UGT1A5: variants seen among roughly 807,000 people sequenced by gnomAD.
UGT1A5 encodes the protein UDP glucuronosyltransferase family 1 member A5, also known as UDP-glucuronosyltransferase 1A5.
UGT1A5 carries 29 observed loss-of-function variants against 40.3 expected under a neutral mutation model. That is an observed-to-expected ratio of 0.72 (90% CI 0.54 to 0.98). The LOEUF (loss-of-function observed/expected upper bound fraction) is 0.98, where lower values mean the gene tolerates loss of function less well. UGT1A5 is among the 50% of genes least tolerant of loss of function. UGT1A5 has a pLI of 0.00. For missense variants in UGT1A5, 678 were observed against 677.9 expected (o/e 1.00, Z 0.00); for synonymous variants, 257 against 262.5 (o/e 0.98, Z 0.20).
At chr2:233,750,620 T>A (rs1476116797) in intron 1 of UGT1A5, 1 of 151,688 alleles carries the variant, frequency 6.6e-6, no homozygotes, top group Non-Finnish European at 1.5e-5. Flanking sequence ...GTGGGCTGGG[T>A]CCATGCTCCC....
At chr2:233,758,861 A>G (rs911579331) in intron 1 of UGT1A5, among the ~76,000 whole-genome samples, 2 of 152,228 alleles carry the variant, frequency 1.3e-5, no homozygotes, top group African/African-American at 4.8e-5. Context: ...TGGCTGCACA[A>G]TACTTGCCCC....
At chr2:233,757,339 A>G (rs1013645188) in intron 1 of UGT1A5, among the ~76,000 whole-genome samples, 2 of 151,118 alleles carry the variant, frequency 1.3e-5, no homozygotes, top group African/African-American at 4.9e-5. Context: ...GGACCATGAC[A>G]GCTGGGTCTG....
chr2:233,741,234 T>C (rs1176985414), intron 1 of UGT1A5, among the ~76,000 whole-genome samples: 1 of 151,886 alleles, frequency 6.6e-6, no homozygotes, highest in Non-Finnish European at 1.5e-5. Flanking sequence ...CCACTACCTC[T>C]GAGTGACACT....
At chr2:233,730,080 A>G (rs1159659352) in intron 1 of UGT1A5, 6 of 1,604,940 alleles carry the variant, frequency 3.7e-6, no homozygotes, top group Non-Finnish European at 5.1e-6. Context: ...TTCCATATTT[A>G]CTTATCTTTC....
At chr2:233,747,254 C>A in intron 1 of UGT1A5, 1 of 1,600,766 alleles carries the variant, frequency 6.2e-7, no homozygotes, top group Admixed American at 1.7e-5. Flanking sequence ...TGGCTGGCCA[C>A]AGGAGTGCTA....
intron 1 of UGT1A5, among the ~76,000 whole-genome samples, chr2:233,749,503 T>G (rs1362784067): frequency 6.6e-6 from 1 of 151,872 alleles, no homozygotes; most frequent in African/African-American, 2.4e-5. Context: ...CTTAGAGAAT[T>G]AGAGAACACT....
chr2:233,754,486 C>T (rs2125926114), intron 1 of UGT1A5: 1 of 357,902 alleles, frequency 2.8e-6, no homozygotes, highest in East Asian at 7.3e-5. Context: ...CACTTTCAAT[C>T]CTAAAAAAAG....
chr2:233,760,180 T>A, intron 1 of UGT1A5: 1 of 1,548,272 alleles, frequency 6.5e-7, no homozygotes, highest in Non-Finnish European at 8.7e-7. Context: ...GACAGCTTTT[T>A]ATAGTCACGT....
At chr2:233,715,333 G>A (rs2076445731) in intron 1 of UGT1A5, among the ~76,000 whole-genome samples, 1 of 152,000 alleles carries the variant, frequency 6.6e-6, no homozygotes, top group South Asian at 2.1e-4. Flanking sequence ...TGATTAGATT[G>A]GTGCATGTAG....
chr2:233,769,535 A>C lies in UGT1A5; in HGVS notation c.1307+1096A>C, dbSNP rs573901660. 3.1e-6 allele frequency: 5 copies of C among 1,612,920 alleles called. No homozygotes were observed. The highest frequency in any genetic ancestry group is 1.7e-5 in the Admixed American group (1 of 60,014). ...TCCCATGGTTACCTCCTTTAGAAAG[A>C]AGCAGCAGTCAGGAAGACAGATGTG... On this transcript the variant is annotated intron_variant, in intron 4 of 4. Coordinates refer to ENST00000373414, the MANE Select transcript of UGT1A5 (RefSeq NM_019078.2). The surrounding 1 kb of genome is among the most constrained non-coding windows in gnomAD (Gnocchi z 4.4).
rs1025205090 is a variant in UGT1A5, at chr2:233,748,083, G to A, written c.868-18951G>A. 35 of 1,612,864 alleles carry A rather than the reference G, an allele frequency of 2.2e-5. No homozygotes were observed. In the Middle Eastern group the frequency reaches 5.0e-4, roughly 23 times the overall value. On this transcript the variant is annotated intron_variant, in intron 1 of 4. Transcript: ENST00000373414. ...CAACAGGAAGCCACTATCTCAGGTC[G>A]GTGTTCGTGCCTTCATCCAATCAAT... is the stretch of plus-strand genomic sequence containing the variant.
chr2:233,762,916 A>T (rs1698195607), intron 1 of UGT1A5, among the ~76,000 whole-genome samples: 1 of 152,252 alleles, frequency 6.6e-6, no homozygotes, highest in African/African-American at 2.4e-5. Context: ...TATTGAATTT[A>T]TTAGAATCTC....
Position 233,713,579 on chromosome 2 carries a change from A to G in UGT1A5, c.588A>G (p.Arg196=), listed in dbSNP as rs536394959. ...CAAACCCTTCCTCCTATATTCCTAG[A>G]TTACTAACGACCAATTCAGACCACA... The part of the protein sequence containing the change: ...QCPNPSSYIP[R]LLTTNSDHMT... Residue 196 remains arginine, a synonymous_variant, in exon 1 of 5, where the codon AGA becomes AGG. Coordinates refer to ENST00000373414, the MANE Select transcript of UGT1A5 (RefSeq NM_019078.2). The G allele has an allele frequency of 7.4e-6, 12 of 1,613,952 alleles. No homozygotes were observed. The highest frequency in any genetic ancestry group is 5.3e-5 in the African/African-American group (4 of 75,042).
At chr2:233,732,108 C>T (rs1321461905) in intron 1 of UGT1A5, among the ~76,000 whole-genome samples, 1 of 150,998 alleles carries the variant, frequency 6.6e-6, no homozygotes, top group Non-Finnish European at 1.5e-5. Context: ...TGTTCATATC[C>T]TTTGCCCACT....
intron 1 of UGT1A5, among the ~76,000 whole-genome samples, chr2:233,737,003 G>A (rs560792837): frequency 9.8e-5 from 15 of 152,324 alleles, no homozygotes; most frequent in Middle Eastern, 3.4e-3. Context: ...TCAGGGACCC[G>A]CTTGAGGAGG....
chr2:233,769,558 G>A lies in UGT1A5; in HGVS notation c.1307+1119G>A. On this transcript the variant is annotated intron_variant, in intron 4 of 4. Coordinates refer to ENST00000373414, the MANE Select transcript of UGT1A5 (RefSeq NM_019078.2). This position sits in a 1 kb window ranked among gnomAD's most constrained non-coding sequence, Gnocchi z 4.4. ...AGAAGCAGCAGTCAGGAAGACAGAT[G>A]TGAAGAGCTGGAGCATGTTCAGATG... 2 of 1,612,872 alleles carry A rather than the reference G, an allele frequency of 1.2e-6. No individual in the cohort carries two copies. The highest frequency in any genetic ancestry group is 1.7e-6 in the Non-Finnish European group (2 of 1,179,832).
At chr2:233,747,789 T>C in intron 1 of UGT1A5, 4 of 1,613,572 alleles carry the variant, frequency 2.5e-6, no homozygotes, top group East Asian at 2.2e-5. Context: ...TCCTTCCTCC[T>C]ATATTCCTAA....
chr2:233,746,259 AC>A (rs1176427332), intron 1 of UGT1A5, among the ~76,000 whole-genome samples: 1 of 151,746 alleles, frequency 6.6e-6, no homozygotes, highest in African/African-American at 2.4e-5. Context: ...GCAGAACAGA[AC>A]AAAACGCTGT....
chr2:233,760,123 C>T, intron 1 of UGT1A5: 1 of 1,299,838 alleles, frequency 7.7e-7, no homozygotes, highest in East Asian at 2.5e-5. Context: ...AATAAAGCTC[C>T]ACCTTCTTTA....
Sources: allele counts gnomAD v4.1 joint callset (sites outside exome capture counted in the v4.1 genomes callset), GRCh38; gene constraint gnomAD v4.1.1; non-coding constraint Gnocchi (gnomAD v3.1); transcripts MANE v1.5; gene names NCBI Gene and HGNC (gene_info 2026-07-23, HGNC 2026-07-21).